The following COL5A2 variants were observed in gnomAD, a reference collection of about 807,000 sequenced individuals.
COL5A2 encodes the protein collagen alpha-2(V) chain.
COL5A2 carries 23 observed loss-of-function variants against 208.2 expected under a neutral mutation model. The ratio of observed to expected loss-of-function variants is 0.11; its 90% CI spans 0.08 to 0.16. COL5A2 has a LOEUF of 0.16. Ranked by LOEUF, COL5A2 falls within the 10% of genes least tolerant of loss-of-function variation. The pLI is 1.00. For missense variants in COL5A2, 1,590 were observed against 1,956.4 expected, an observed-to-expected ratio of 0.81 and a Z score of 3.53; for synonymous variants, 625 against 628.5, an observed-to-expected ratio of 0.99 and a Z score of 0.08.
chr2:189,046,710 CTTAT>C (rs1434433942), intron 45 of COL5A2, among the ~76,000 whole-genome samples: 2 of 151,322 alleles, frequency 1.3e-5, no homozygotes, highest in Non-Finnish European at 2.9e-5. Flanking sequence ...AAAAAATTGT[CTTAT>C]TTGACTGATA....
the COL5A2 span, among the ~76,000 whole-genome samples, chr2:189,271,419 A>G: frequency 1.3e-5 from 2 of 152,320 alleles, no homozygotes; most frequent in South Asian, 4.1e-4. Flanking sequence ...AGGATTCCCT[A>G]TTTAATAAAT....
chr2:189,269,320 TTTCAAAGGAAA>T, the COL5A2 span, among the ~76,000 whole-genome samples: 4 of 152,178 alleles, frequency 2.6e-5, no homozygotes, highest in Admixed American at 2.6e-4. Context: ...TTGTGGCGGT[TTTCAAAGGAAA>T]TGCTTCCAGC....
chr2:189,416,154 G>A, the COL5A2 span, among the ~76,000 whole-genome samples: 67 of 152,256 alleles, frequency 4.4e-4, no homozygotes, highest in African/African-American at 9.1e-4. Flanking sequence ...TCAGTGTGGC[G>A]ATTCCTCAGG....
At chr2:189,135,320 A>G (rs1042128081) in intron 1 of COL5A2, among the ~76,000 whole-genome samples, 1 of 152,206 alleles carries the variant, frequency 6.6e-6, no homozygotes, top group African/African-American at 2.4e-5. Context: ...ATAATTTATA[A>G]TGGAGATATT....
At chr2:189,038,758 C>T (rs1298486484) in intron 51 of COL5A2, among the ~76,000 whole-genome samples, 3 of 152,142 alleles carry the variant, frequency 2.0e-5, no homozygotes, top group African/African-American at 4.8e-5. Context: ...GGCGCGATCT[C>T]AACTCACTGC....
the COL5A2 span, among the ~76,000 whole-genome samples, chr2:189,277,690 C>T: frequency 1.3e-5 from 2 of 151,214 alleles, no homozygotes; most frequent in Admixed American, 1.3e-4. Flanking sequence ...GTATATTGTT[C>T]CATATTGTCA....
At chr2:189,407,533 A>G in the COL5A2 span, among the ~76,000 whole-genome samples, 1 of 152,156 alleles carries the variant, frequency 6.6e-6, no homozygotes. Context: ...AATGTGACCA[A>G]TTTAATGTTT....
chr2:189,310,943 G>A, the COL5A2 span, among the ~76,000 whole-genome samples: 4 of 152,034 alleles, frequency 2.6e-5, no homozygotes, highest in Admixed American at 2.6e-4. Context: ...GTAGTGGGGA[G>A]CAGGGGGAGG....
chr2:189,163,088 T>A (rs1225856825), intron 1 of COL5A2, among the ~76,000 whole-genome samples: 1 of 152,078 alleles, frequency 6.6e-6, no homozygotes, highest in Admixed American at 6.6e-5. Context: ...ACTCCTCAGG[T>A]AAAAGCCCAC....
At chr2:189,435,725 G>C in the COL5A2 span, among the ~76,000 whole-genome samples, 3 of 152,330 alleles carry the variant, frequency 2.0e-5, no homozygotes, top group Non-Finnish European at 4.4e-5. Context: ...TTACACTGTT[G>C]GTGGGACGGT....
chr2:189,223,182 C>T (rs1048597972), intron 1 of COL5A2, among the ~76,000 whole-genome samples: 1 of 152,054 alleles, frequency 6.6e-6, no homozygotes, highest in African/African-American at 2.4e-5. Flanking sequence ...AAAAAATCTC[C>T]ACCAAAATAA....
At chr2:189,425,828 C>T in the COL5A2 span, among the ~76,000 whole-genome samples, 1 of 152,070 alleles carries the variant, frequency 6.6e-6, no homozygotes, top group African/African-American at 2.4e-5. Context: ...CTTGGTCCTG[C>T]TCCTGCCATG....
Position 189,057,034 on chromosome 2 carries a change from AAC to A in COL5A2, c.2338-10_2338-9del. The A allele has an allele frequency of 6.2e-7, 1 of 1,613,392 alleles. No individual in the cohort carries two copies. The highest frequency in any genetic ancestry group is 8.5e-7 in the Non-Finnish European group (1 of 1,179,384). ...TTTTTCTCCTATGCCACCCTGGGAA[AAC>A]ACACAAAATACAATTGATTCATTTA... On this transcript the variant is annotated splice_polypyrimidine_tract_variant and intron_variant, in intron 34 of 53. Transcript: ENST00000374866.
the COL5A2 span, among the ~76,000 whole-genome samples, chr2:189,349,901 A>G: frequency 2.0e-5 from 3 of 152,168 alleles, no homozygotes; most frequent in African/African-American, 7.2e-5. Context: ...AGCAATATGC[A>G]TTAGTAAAAA....
intron 1 of COL5A2, among the ~76,000 whole-genome samples, chr2:189,134,033 A>T (rs1042091046): frequency 5.9e-5 from 9 of 152,100 alleles, no homozygotes; most frequent in Non-Finnish European, 1.2e-4. Context: ...AAAAAGAAAA[A>T]AATACTAAAA....
the COL5A2 span, among the ~76,000 whole-genome samples, chr2:189,232,979 G>A: frequency 6.6e-6 from 1 of 151,756 alleles, no homozygotes; most frequent in African/African-American, 2.4e-5. Context: ...TTGAAACCTA[G>A]TTTAGCCTTC....
the COL5A2 span, among the ~76,000 whole-genome samples, chr2:189,390,717 A>T: frequency 6.6e-6 from 1 of 152,226 alleles, no homozygotes; most frequent in Admixed American, 6.5e-5. Flanking sequence ...TTGTTAAAAG[A>T]TATTAGTAAT....
intron 1 of COL5A2, among the ~76,000 whole-genome samples, chr2:189,191,471 T>A (rs531590190): frequency 6.6e-6 from 1 of 151,974 alleles, no homozygotes; most frequent in East Asian, 1.9e-4. Flanking sequence ...TGAAACCCCA[T>A]CTCTACTAAA....
chr2:189,410,389 C>G, the COL5A2 span, among the ~76,000 whole-genome samples: 1 of 151,888 alleles, frequency 6.6e-6, no homozygotes, highest in African/African-American at 2.4e-5. Flanking sequence ...GACCAAGACC[C>G]CCATCTCTAC....
Sources: gnomAD v4.1 joint callset for allele counts (sites outside exome capture counted in the v4.1 genomes callset) on GRCh38, gnomAD v4.1.1 for gene constraint, MANE v1.5 for transcripts, NCBI Gene and HGNC (gene_info 2026-07-23, HGNC 2026-07-21) for gene names.